Variants in CDH13 observed in about 807,000 individuals in gnomAD.
The protein encoded by CDH13 is cadherin-13.
Under a neutral mutation model 63.8 loss-of-function variants are expected in CDH13, and 24 were observed. The observed-to-expected ratio is 0.38, with a 90% CI of 0.27 to 0.53. The LOEUF is 0.53. CDH13 is among the 20% of genes least tolerant of loss of function. The probability of loss-of-function intolerance (pLI) is 0.85; values close to 1 mark genes in which losing one functional copy is unlikely to be tolerated. For synonymous variants in CDH13, 503 were observed against 355.3 expected (o/e 1.42, Z -4.67); for missense variants, 1,049 against 903.1 (o/e 1.16, Z -2.07).
chr16:83,377,784 A>G (rs1350606469), intron 6 of CDH13, among the ~76,000 whole-genome samples: 1 of 152,164 alleles, frequency 6.6e-6, no homozygotes, highest in Non-Finnish European at 1.5e-5. Flanking sequence ...GCAAAGACAA[A>G]GGCAAGAGAA....
At chr16:83,242,498 A>C (rs1411541257) in intron 5 of CDH13, among the ~76,000 whole-genome samples, 1 of 152,176 alleles carries the variant, frequency 6.6e-6, no homozygotes, top group African/African-American at 2.4e-5. Context: ...TTTCTAAATC[A>C]GATGTGTTTG....
At chr16:82,642,116 G>A (rs1484684064) in intron 1 of CDH13, among the ~76,000 whole-genome samples, 2 of 149,434 alleles carry the variant, frequency 1.3e-5, no homozygotes, top group Non-Finnish European at 3.0e-5. Flanking sequence ...AAAAAAAGTG[G>A]TGCTTGGCAA....
intron 5 of CDH13, among the ~76,000 whole-genome samples, chr16:83,273,165 AAT>A (rs535237089): frequency 1.5e-3 from 224 of 151,474 alleles, no homozygotes; most frequent in African/African-American, 5.2e-3. Flanking sequence ...GCTCTAAAAT[AAT>A]ATCAATTTTT....
chr16:83,494,140 C>G (rs1339848237), intron 7 of CDH13, among the ~76,000 whole-genome samples: 2 of 151,992 alleles, frequency 1.3e-5, no homozygotes. Context: ...TAAGATATTT[C>G]TTTTCTTTTT....
At chr16:82,699,901 A>T (rs1031402838) in intron 1 of CDH13, among the ~76,000 whole-genome samples, 2 of 152,254 alleles carry the variant, frequency 1.3e-5, no homozygotes, top group African/African-American at 4.8e-5. Context: ...CAATGTTTCA[A>T]CAGTTTTCCG....
At chr16:82,972,319 G>C (rs1908878919) in intron 2 of CDH13, among the ~76,000 whole-genome samples, 1 of 152,196 alleles carries the variant, frequency 6.6e-6, no homozygotes, top group Admixed American at 6.5e-5. Context: ...GTGTTTGGGT[G>C]AGAAGCAGGG....
At chr16:83,234,700 T>C (rs976622784) in intron 5 of CDH13, among the ~76,000 whole-genome samples, 4 of 152,204 alleles carry the variant, frequency 2.6e-5, no homozygotes, top group African/African-American at 7.2e-5. Context: ...AACACATTTG[T>C]AGCCCTACCC....
At position 82,927,435 on chromosome 16, in the gene CDH13, T is replaced by A. The variant is rs116972242; in HGVS notation, c.157+68962T>A. ...TTCAGCCCATGTTTTACCATCTTCA[T>A]AATGCCTTATAGTTGAAGTAATATA... On this transcript the variant is annotated intron_variant, in intron 2 of 13. Transcript: ENST00000567109. Among the ~76,000 whole-genome samples, 67 of 152,336 alleles carry A rather than the reference T, an allele frequency of 4.4e-4. No individual in the cohort carries two copies. In the East Asian group the frequency reaches 0.011, roughly 25 times the overall value.
At chr16:83,119,953 G>A (rs894664300) in intron 3 of CDH13, among the ~76,000 whole-genome samples, 4 of 152,146 alleles carry the variant, frequency 2.6e-5, no homozygotes, top group Admixed American at 2.0e-4. Flanking sequence ...GCCCAGAAAC[G>A]CAGAGCCATG....
intron 7 of CDH13, among the ~76,000 whole-genome samples, chr16:83,489,367 G>A (rs374258556): frequency 4.5e-4 from 68 of 152,228 alleles, no homozygotes; most frequent in African/African-American, 1.5e-3. Context: ...CAATTTAACC[G>A]AAATTGGAAA....
At chr16:83,449,729 C>G (rs2072829167) in intron 6 of CDH13, among the ~76,000 whole-genome samples, 1 of 152,182 alleles carries the variant, frequency 6.6e-6, no homozygotes, top group Non-Finnish European at 1.5e-5. Flanking sequence ...TGCAACTTGC[C>G]TAATGTGTCA....
At chr16:82,884,049 C>T in intron 2 of CDH13, 1 of 363,058 alleles carries the variant, frequency 2.8e-6, no homozygotes, top group Non-Finnish European at 5.4e-6. Flanking sequence ...ATTATTATGA[C>T]TACAACACTT....
intron 3 of CDH13, among the ~76,000 whole-genome samples, chr16:83,036,564 A>T (rs1305399607): frequency 2.0e-5 from 3 of 152,108 alleles, no homozygotes; most frequent in Non-Finnish European, 4.4e-5. Context: ...AAGGCCTGCA[A>T]CCCAGAATGC....
At position 83,260,643 on chromosome 16, in the gene CDH13, A is replaced by G. The variant is rs142873634; in HGVS notation, c.636+43146A>G. Among the ~76,000 whole-genome samples, 505 of 152,292 alleles carry G rather than the reference A, an allele frequency of 3.3e-3. 5 individuals are homozygous for G. The highest frequency in any genetic ancestry group is 0.012 in the African/African-American group (487 of 41,560). ...GCTGCTCCCCAAAGTGCGTTAGGCCATACACTGAACAGCAAAGGAAGAGAA... is the reference window on the plus strand; with the variant it reads ...GCTGCTCCCCAAAGTGCGTTAGGCCGTACACTGAACAGCAAAGGAAGAGAA... On this transcript the variant is annotated intron_variant, in intron 5 of 13. Transcript: ENST00000567109.
chr16:83,346,156 C>A (rs778156483), intron 6 of CDH13, among the ~76,000 whole-genome samples: 1 of 152,190 alleles, frequency 6.6e-6, no homozygotes, highest in Non-Finnish European at 1.5e-5. Context: ...AAAGCAAATG[C>A]ACTGCGTGTG....
intron 6 of CDH13, among the ~76,000 whole-genome samples, chr16:83,384,553 C>A (rs2091634960): frequency 6.6e-6 from 1 of 152,232 alleles, no homozygotes; most frequent in African/African-American, 2.4e-5. Context: ...AAGGTTAACA[C>A]CCTGTGGGAA....
At chr16:83,725,106 A>G (rs940544782) in intron 10 of CDH13, among the ~76,000 whole-genome samples, 1 of 152,238 alleles carries the variant, frequency 6.6e-6, no homozygotes, top group Non-Finnish European at 1.5e-5. Flanking sequence ...GTGACATTTG[A>G]GGTGAAAACA....
chr16:83,214,579 C>CAAAAAA (rs751124100), intron 4 of CDH13, among the ~76,000 whole-genome samples: 27,609 of 39,832 alleles, frequency 0.69, 11,648 homozygotes, highest in Non-Finnish European at 0.87. Context: ...GACTCTGTCT[C>CAAAAAA]AAAAAAAAAA....
intron 4 of CDH13, among the ~76,000 whole-genome samples, chr16:83,215,325 C>G (rs1315372772): frequency 1.3e-5 from 2 of 151,794 alleles, no homozygotes; most frequent in Non-Finnish European, 2.9e-5. Flanking sequence ...GTGATCCGCC[C>G]ACCTTGGCCT....
Sources: allele counts gnomAD v4.1 joint callset (sites outside exome capture counted in the v4.1 genomes callset), GRCh38; gene constraint gnomAD v4.1.1; transcripts MANE v1.5; gene names NCBI Gene and HGNC (gene_info 2026-07-23, HGNC 2026-07-21).